Variants in DCP1B observed in about 807,000 individuals in gnomAD.
The protein encoded by DCP1B is mRNA-decapping enzyme 1B.
In DCP1B, 47 loss-of-function variants were observed where a neutral mutation model predicts 60.5. The observed-to-expected ratio is 0.78, with a 90% confidence interval of 0.61 to 0.99. The LOEUF (loss-of-function observed/expected upper bound fraction) is 0.99, where lower values mean the gene tolerates loss of function less well. DCP1B is among the 50% of genes least tolerant of loss of function. The pLI is 0.00. For missense variants in DCP1B, 725 were observed against 756.8 expected (o/e 0.96, Z 0.49); for synonymous variants, 267 against 280.3 (o/e 0.95, Z 0.47).
At chr12:1,993,722 T>C (rs1330410669) in intron 2 of DCP1B, among the ~76,000 whole-genome samples, 7 of 152,126 alleles carry the variant, frequency 4.6e-5, no homozygotes, top group African/African-American at 1.7e-4. Context: ...TAACTACTTT[T>C]TAAAACATTA....
chr12:1,987,015 G>T (rs556700513), intron 3 of DCP1B, among the ~76,000 whole-genome samples: 2 of 152,284 alleles, frequency 1.3e-5, no homozygotes, highest in East Asian at 3.9e-4. Flanking sequence ...GGGATAGAAC[G>T]AAGGAGAGAA....
chr12:1,976,192 C>G (rs2034303705), intron 3 of DCP1B, among the ~76,000 whole-genome samples: 1 of 152,126 alleles, frequency 6.6e-6, no homozygotes, highest in East Asian at 1.9e-4. Context: ...GTCACAGTGA[C>G]AAGTTTCATC....
In DCP1B at chr12:1,953,190, G is replaced by C. The variant is rs200280881; in HGVS notation, c.750C>G (p.Leu250=). Residue 250 remains leucine (L), a synonymous_variant, in exon 7 of 9, where the codon CTC becomes CTG. Transcript: ENST00000280665. The part of the protein sequence containing the change: ...CQETVEPPQT[L]HQQQQQQQQQ... Reference sequence around the variant, plus strand: ...GCTGCTGCTGCTGCTGCTGCTGGTGGAGAGTCTGCGGAGGCTCCACAGTTT... The same window carrying C: ...GCTGCTGCTGCTGCTGCTGCTGGTGCAGAGTCTGCGGAGGCTCCACAGTTT... The C allele has an allele frequency of 6.2e-7, 1 of 1,610,530 alleles. No homozygotes were observed. Among genetic ancestry groups the C allele is most frequent in the Admixed American group, 1.7e-5 (1 of 59,978 alleles).
intron 5 of DCP1B, among the ~76,000 whole-genome samples, chr12:1,961,693 A>T (rs1437188864): frequency 6.6e-6 from 1 of 151,628 alleles, no homozygotes; most frequent in Non-Finnish European, 1.5e-5. Flanking sequence ...ATGGAAGAAT[A>T]ATTAATTTGA....
At chr12:1,955,696 C>G (rs1478156155) in intron 5 of DCP1B, 136 bp from the exon 6 acceptor site, 1 of 1,029,248 alleles carries the variant, frequency 9.7e-7, no homozygotes, top group Admixed American at 3.0e-5. Context: ...AGGAAAATCC[C>G]TTAAATTTCT....
At chr12:1,985,797 A>G (rs759202104) in intron 3 of DCP1B, among the ~76,000 whole-genome samples, 1 of 152,022 alleles carries the variant, frequency 6.6e-6, no homozygotes, top group Non-Finnish European at 1.5e-5. Context: ...GATGCTTCCC[A>G]TATCAGTTCC....
intron 3 of DCP1B, among the ~76,000 whole-genome samples, chr12:1,984,306 T>G (rs760647450): frequency 6.6e-6 from 1 of 152,100 alleles, no homozygotes; most frequent in Non-Finnish European, 1.5e-5. Flanking sequence ...TTTGCTCTCC[T>G]GTTACCCTCT....
chr12:1,952,667 C>G lies in DCP1B; in HGVS notation c.1273G>C (p.Glu425Gln). 6.2e-7 allele frequency: 1 copy of G among 1,614,186 alleles called. No homozygotes were observed. The highest frequency in any genetic ancestry group is 8.5e-7 in the Non-Finnish European group (1 of 1,180,036). Residue 425 changes from glutamate (E) to glutamine (Q), a missense_variant, in exon 7 of 9, where the codon GAA becomes CAA. By Grantham distance (29) the Glu-to-Gln change is conservative (BLOSUM62 2). Transcript: ENST00000280665. ...GTTTGTCTTGGGAGTGTGGACTGTT[C>G]TCTTCCATGAGCCTGATGTCCTACT... ...QTVGHQAHGR[E>Q]QSTLPRQTLP... is the part of the protein sequence containing the mutation.
At chr12:1,998,301 G>A (rs2041417390) in intron 1 of DCP1B, among the ~76,000 whole-genome samples, 1 of 152,222 alleles carries the variant, frequency 6.6e-6, no homozygotes, top group Non-Finnish European at 1.5e-5. Context: ...TTAGAAAGAA[G>A]AGTGCTGCCT....
chr12:2,001,774 C>A (rs1312719333), intron 1 of DCP1B, among the ~76,000 whole-genome samples: 2 of 152,186 alleles, frequency 1.3e-5, no homozygotes, highest in African/African-American at 4.8e-5. Flanking sequence ...GCTAGGAACA[C>A]AACGTTAGTC....
At chr12:1,958,758 G>A in intron 5 of DCP1B, among the ~76,000 whole-genome samples, 1 of 124,812 alleles carries the variant, frequency 8.0e-6, no homozygotes. Flanking sequence ...CTCCCGGAAG[G>A]AAACAGGGGA....
In DCP1B at chr12:2,004,281, C is replaced by G. The variant is rs766651201; in HGVS notation, c.150+1G>C. On this transcript the variant is annotated splice_donor_variant, in intron 1 of 8. Transcript: ENST00000280665. LOFTEE classifies it high-confidence loss of function. Reference sequence around the variant, plus strand: ...CACTGCTCCGCCGCGTCCGCACGCACCCACTCGTTGGCCCGATGGCCGAAG... The same window carrying G: ...CACTGCTCCGCCGCGTCCGCACGCAGCCACTCGTTGGCCCGATGGCCGAAG... 2.5e-6 allele frequency: 4 copies of G among 1,613,088 alleles called. No individual in the cohort carries two copies. In the East Asian group the frequency reaches 8.9e-5, roughly 36 times the overall value.
chr12:1,973,149 C>G (rs953912955), intron 3 of DCP1B, among the ~76,000 whole-genome samples: 1 of 152,212 alleles, frequency 6.6e-6, no homozygotes, highest in East Asian at 1.9e-4. Context: ...AAAACAAAAT[C>G]TTCACTGGCC....
In DCP1B at chr12:1,952,223, G is replaced by T. The variant is rs377048980; in HGVS notation, c.1524+193C>A. On this transcript the variant is annotated intron_variant, in intron 7 of 8. Coordinates refer to ENST00000280665, the MANE Select transcript of DCP1B (RefSeq NM_152640.5). The stretch of plus-strand genomic sequence containing the variant: ...GGGTCTCGCTCTGTCACCCAGGCTG[G>T]AGTGCAGTGGCACGATCATGGTTCA... Among the ~76,000 whole-genome samples, 3 of 152,144 alleles carry T rather than the reference G, an allele frequency of 2.0e-5. No individual in the cohort carries two copies. In the South Asian group the frequency reaches 6.2e-4, roughly 32 times the overall value.
At chr12:1,981,574 T>G (rs1288497296) in intron 3 of DCP1B, among the ~76,000 whole-genome samples, 1 of 152,216 alleles carries the variant, frequency 6.6e-6, no homozygotes, top group African/African-American at 2.4e-5. Context: ...TGAACATATA[T>G]GTTTACATGT....
intron 4 of DCP1B, among the ~76,000 whole-genome samples, chr12:1,967,021 A>G (rs1389087011): frequency 6.6e-6 from 1 of 152,200 alleles, no homozygotes; most frequent in Admixed American, 6.5e-5. Flanking sequence ...GCTGTGACAC[A>G]GCACGTGCAG....
chr12:1,957,349 C>T lies in DCP1B; in HGVS notation c.523-1789G>A, dbSNP rs144292006. Among the ~76,000 whole-genome samples, 540 of 152,236 alleles carry T rather than the reference C, an allele frequency of 3.5e-3. 6 individuals carry two copies. Among genetic ancestry groups the T allele is most frequent in the African/African-American group, 0.012 (513 of 41,544 alleles). ...AGTTTTAATCACACACAAACACATA[C>T]ATACATAAACATATGTATTTATGCC... On this transcript the variant is annotated intron_variant, in intron 5 of 8. Coordinates refer to ENST00000280665, the MANE Select transcript of DCP1B (RefSeq NM_152640.5).
intron 3 of DCP1B, among the ~76,000 whole-genome samples, chr12:1,984,227 G>A (rs1020378154): frequency 5.3e-5 from 8 of 151,926 alleles, no homozygotes; most frequent in South Asian, 2.1e-4. Flanking sequence ...TACATGTAAC[G>A]TAACTACCGA....
rs1328142431 is a variant in DCP1B at position 1,948,307 on chromosome 12, G to A, written c.1773+779C>T. On this transcript the variant is annotated intron_variant, in intron 8 of 8. Transcript: ENST00000280665. This position sits in a 1 kb window ranked among gnomAD's most constrained non-coding sequence, Gnocchi z 4.8. ...CCCACGGGAGAGTACGTGGGAAGTGGCACTCGGGGGCCAGGCTGGGTGCAT... is the reference window on the plus strand; with the variant it reads ...CCCACGGGAGAGTACGTGGGAAGTGACACTCGGGGGCCAGGCTGGGTGCAT... Among the ~76,000 whole-genome samples, 3 of 152,188 alleles carry A rather than the reference G, an allele frequency of 2.0e-5. No homozygotes were observed. Among genetic ancestry groups the A allele is most frequent in the African/African-American group, 7.2e-5 (3 of 41,452 alleles).
Sources: gnomAD v4.1 joint callset for allele counts (sites outside exome capture counted in the v4.1 genomes callset) on GRCh38, gnomAD v4.1.1 for gene constraint, Gnocchi (gnomAD v3.1) non-coding constraint, MANE v1.5 for transcripts, NCBI Gene and HGNC (gene_info 2026-07-23, HGNC 2026-07-21) for gene names.